The following RYR3 variants were observed in gnomAD, a reference collection of about 807,000 sequenced individuals.
RYR3 encodes brain ryanodine receptor-calcium release channel.
A neutral mutation model predicts 584.3 loss-of-function variants in RYR3; 207 were observed. The observed-to-expected ratio is 0.35, with a 90% CI of 0.32 to 0.40. The LOEUF is 0.40. Ranked by LOEUF, RYR3 falls within the 10% of genes least tolerant of loss-of-function variation. The probability of loss-of-function intolerance (pLI) is 1.00; values close to 1 mark genes in which losing one functional copy is unlikely to be tolerated. For synonymous variants in RYR3, 2,416 were observed against 2,248.5 expected (o/e 1.07, Z -2.11); for missense variants, 5,616 against 6,089.2 (o/e 0.92, Z 2.59).
intron 40 of RYR3, among the ~76,000 whole-genome samples, chr15:33,699,372 ACTCTCTCTC>A (rs1216417621): frequency 1.7e-5 from 2 of 116,460 alleles, no homozygotes; most frequent in African/African-American, 6.9e-5. Flanking sequence ...CATCTCACTC[ACTCTCTCTC>A]CTCTCTCTCT....
At chr15:33,727,371 A>G (rs2068554976) in intron 46 of RYR3, among the ~76,000 whole-genome samples, 1 of 152,242 alleles carries the variant, frequency 6.6e-6, no homozygotes, top group Admixed American at 6.5e-5. Context: ...GATATTCCAC[A>G]GAAGGTTTTT....
At chr15:33,402,365 G>A (rs747389198) in intron 1 of RYR3, among the ~76,000 whole-genome samples, 6 of 152,156 alleles carry the variant, frequency 3.9e-5, no homozygotes, top group Non-Finnish European at 8.8e-5. Flanking sequence ...AAATGGCAAT[G>A]GAATTTGAGT....
At chr15:33,682,388 G>C (rs992677800) in intron 38 of RYR3, among the ~76,000 whole-genome samples, 2 of 151,804 alleles carry the variant, frequency 1.3e-5, no homozygotes, top group Non-Finnish European at 2.9e-5. Flanking sequence ...TATCCCTCAG[G>C]CATCAAGTCT....
Position 33,581,415 on chromosome 15 carries a change from T to C in RYR3, c.1438-93T>C. ...TATTTGCATATTGGCATTTTCAGCT[T>C]TAAAAGGTGAATGATACAGGAGGGG... is the stretch of plus-strand genomic sequence containing the variant. On this transcript the variant is annotated intron_variant, in intron 13 of 103. Coordinates refer to ENST00000634891, the MANE Select transcript of RYR3 (RefSeq NM_001036.6). 2.3e-6 allele frequency: 3 copies of C among 1,327,426 alleles called. No individual in the cohort carries two copies. In the East Asian group the frequency reaches 7.0e-5, roughly 31 times the overall value. 82.2% of individuals were successfully genotyped at this position (1,327,426 alleles called of 1,614,324 possible).
At chr15:33,378,173 C>T (rs1035781593) in intron 1 of RYR3, among the ~76,000 whole-genome samples, 3 of 152,216 alleles carry the variant, frequency 2.0e-5, no homozygotes, top group Non-Finnish European at 4.4e-5. Context: ...GTTATTATTA[C>T]ACCTATACAG....
At chr15:33,635,547 A>T in intron 25 of RYR3, 67 bp from the exon 26 acceptor site, 1 of 1,215,240 alleles carries the variant, frequency 8.2e-7, no homozygotes, top group African/African-American at 1.5e-5. Context: ...AGTGCTACCT[A>T]ATTATTGAAG....
chr15:33,633,770 T>C (rs1409135929), intron 24 of RYR3, among the ~76,000 whole-genome samples: 1 of 152,194 alleles, frequency 6.6e-6, no homozygotes, highest in African/African-American at 2.4e-5. Flanking sequence ...CCTATTGTCT[T>C]CTTAGTCCCT....
intron 15 of RYR3, among the ~76,000 whole-genome samples, chr15:33,585,130 T>A (rs1214235785): frequency 6.6e-6 from 1 of 152,048 alleles, no homozygotes; most frequent in Non-Finnish European, 1.5e-5. Flanking sequence ...AGGGTTTTGA[T>A]GCTTTTCTCG....
intron 1 of RYR3, among the ~76,000 whole-genome samples, chr15:33,333,910 C>T (rs2140708999): frequency 6.6e-6 from 1 of 152,168 alleles, no homozygotes; most frequent in African/African-American, 2.4e-5. Context: ...AACAGTCTAG[C>T]CAAGAGCCAA....
At chr15:33,627,891 A>G (rs2061073168) in intron 20 of RYR3, among the ~76,000 whole-genome samples, 1 of 152,172 alleles carries the variant, frequency 6.6e-6, no homozygotes, top group African/African-American at 2.4e-5. Context: ...GGAAATGAAC[A>G]TGGTAGGTTT....
At chr15:33,614,790 G>GT (rs932089165) in intron 19 of RYR3, among the ~76,000 whole-genome samples, 5 of 151,714 alleles carry the variant, frequency 3.3e-5, no homozygotes, top group Admixed American at 2.6e-4. Context: ...TAACACTTGG[G>GT]TTTTTTCCTA....
intron 12 of RYR3, among the ~76,000 whole-genome samples, chr15:33,578,094 A>T (rs2058392388): frequency 6.6e-6 from 1 of 152,214 alleles, no homozygotes; most frequent in South Asian, 2.1e-4. Context: ...GGCAAGTATT[A>T]AAAAGTCAAA....
intron 97 of RYR3, 122 bp downstream of exon 97, chr15:33,854,571 T>C (rs1481195506): frequency 8.5e-6 from 9 of 1,055,486 alleles, no homozygotes; most frequent in African/African-American, 8.1e-5. Context: ...AAGAGCCTTA[T>C]ACGTGCTGGG....
intron 12 of RYR3, among the ~76,000 whole-genome samples, chr15:33,572,609 C>G (rs2058081713): frequency 6.8e-6 from 1 of 148,060 alleles, no homozygotes; most frequent in Non-Finnish European, 1.5e-5. Flanking sequence ...ACCATAGACT[C>G]CAACTGTTCT....
In RYR3 at chr15:33,532,328, G is replaced by A. The variant is rs148753513; in HGVS notation, c.355-983G>A. Among the ~76,000 whole-genome samples the A allele has an allele frequency of 1.7e-3, 255 of 152,170 alleles. 1 individual carries two copies. The highest frequency in any genetic ancestry group is 6.0e-3 in the African/African-American group (249 of 41,518). On this transcript the variant is annotated intron_variant, in intron 4 of 103. Coordinates refer to ENST00000634891, the MANE Select transcript of RYR3 (RefSeq NM_001036.6). The stretch of plus-strand genomic sequence containing the variant: ...ATAAGAAAAAGAACCATTATTTTGA[G>A]GAGTTTTAAAGCTCATAGAAAATTT...
intron 23 of RYR3, among the ~76,000 whole-genome samples, chr15:33,632,269 C>T (rs1473253621): frequency 7.2e-5 from 11 of 152,218 alleles, no homozygotes; most frequent in East Asian, 5.8e-4. Context: ...ACTCATATTC[C>T]CACATGGCCA....
chr15:33,360,389 G>A (rs919438604), intron 1 of RYR3, among the ~76,000 whole-genome samples: 6 of 152,194 alleles, frequency 3.9e-5, no homozygotes, highest in East Asian at 1.9e-4. Context: ...GCTCTTTTGT[G>A]CCTGATTTCT....
intron 16 of RYR3, among the ~76,000 whole-genome samples, chr15:33,590,258 T>C (rs971794484): frequency 1.3e-5 from 2 of 152,218 alleles, no homozygotes; most frequent in African/African-American, 4.8e-5. Flanking sequence ...CTTCACTTGC[T>C]TCAGGCCATC....
At chr15:33,413,867 TTAGAG>T (rs1386469737) in intron 1 of RYR3, among the ~76,000 whole-genome samples, 1 of 152,232 alleles carries the variant, frequency 6.6e-6, no homozygotes, top group Non-Finnish European at 1.5e-5. Context: ...TCTTAATAAC[TTAGAG>T]TATTGTCATA....
Sources: gnomAD v4.1 joint callset for allele counts (sites outside exome capture counted in the v4.1 genomes callset) on GRCh38, gnomAD v4.1.1 for gene constraint, MANE v1.5 for transcripts, NCBI Gene and HGNC (gene_info 2026-07-23, HGNC 2026-07-21) for gene names.